Variants in CTNNBL1 observed in about 807,000 individuals in gnomAD.
CTNNBL1 encodes beta-catenin-like protein 1.
In CTNNBL1, 31 loss-of-function variants were observed where a neutral mutation model predicts 72.7. The ratio of observed to expected loss-of-function variants is 0.43; its 90% confidence interval spans 0.32 to 0.58. The LOEUF (loss-of-function observed/expected upper bound fraction) is 0.58, where lower values mean the gene tolerates loss of function less well. Among genes scored for constraint, CTNNBL1 ranks in the 20% least tolerant of loss-of-function variants. The pLI is 0.08. For missense variants in CTNNBL1, 534 were observed against 725.1 expected (o/e 0.74, Z 3.03); for synonymous variants, 240 against 267.3 (o/e 0.90, Z 1.00).
chr20:37,768,276 A>C (rs1337589729), intron 7 of CTNNBL1, among the ~76,000 whole-genome samples: 1 of 152,220 alleles, frequency 6.6e-6, no homozygotes, highest in Non-Finnish European at 1.5e-5. Context: ...TTCATGTGAT[A>C]CAAAAGGTAT....
At chr20:37,753,423 T>G (rs2073337567) in intron 4 of CTNNBL1, among the ~76,000 whole-genome samples, 1 of 152,230 alleles carries the variant, frequency 6.6e-6, no homozygotes, top group African/African-American at 2.4e-5. Flanking sequence ...TTTCTAGGTT[T>G]CATGTGACAC....
chr20:37,799,103 A>G (rs1160415522), intron 10 of CTNNBL1, among the ~76,000 whole-genome samples: 1 of 152,088 alleles, frequency 6.6e-6, no homozygotes, highest in Non-Finnish European at 1.5e-5. Context: ...CCTTTTTCAT[A>G]CCATTGCTGT....
intron 11 of CTNNBL1, among the ~76,000 whole-genome samples, chr20:37,813,973 C>G (rs891929326): frequency 2.0e-5 from 3 of 152,144 alleles, no homozygotes; most frequent in Non-Finnish European, 4.4e-5. Flanking sequence ...TCTTTGTCCG[C>G]TAATAGGCTT....
chr20:37,727,271 T>G, intron 1 of CTNNBL1: 3 of 870,712 alleles, frequency 3.4e-6, no homozygotes, highest in Non-Finnish European at 4.1e-6. Flanking sequence ...CTTCAAAGCT[T>G]TCATGAAGAT....
At chr20:37,730,478 C>G (rs1459500125) in intron 1 of CTNNBL1, among the ~76,000 whole-genome samples, 1 of 152,182 alleles carries the variant, frequency 6.6e-6, no homozygotes, top group Non-Finnish European at 1.5e-5. Context: ...TGTCCATTTA[C>G]AGATGAGGAA....
At chr20:37,860,134 C>T (rs746097831) in intron 14 of CTNNBL1, 98 bp downstream of exon 14, 213 of 1,517,582 alleles carry the variant, frequency 1.4e-4, no homozygotes, top group Non-Finnish European at 1.9e-4. Flanking sequence ...GGGGGTCACG[C>T]TCTCCTTGAA....
intron 1 of CTNNBL1, among the ~76,000 whole-genome samples, chr20:37,732,467 T>C (rs1277013969): frequency 6.6e-6 from 1 of 152,236 alleles, no homozygotes; most frequent in Non-Finnish European, 1.5e-5. Context: ...CATCTTAAGA[T>C]AGCTTTGTTG....
chr20:37,697,681 G>A (rs895454568), intron 1 of CTNNBL1, among the ~76,000 whole-genome samples: 4 of 152,218 alleles, frequency 2.6e-5, no homozygotes, highest in African/African-American at 7.2e-5. Flanking sequence ...CTCACCTGAG[G>A]TTGTGGGCCA....
At chr20:37,722,637 G>A (rs1421639429) in intron 1 of CTNNBL1, among the ~76,000 whole-genome samples, 1 of 151,986 alleles carries the variant, frequency 6.6e-6, no homozygotes, top group Admixed American at 6.6e-5. Flanking sequence ...CTATCCCTTA[G>A]CTTACTAAAG....
chr20:37,731,434 C>T (rs2073127719), intron 1 of CTNNBL1, among the ~76,000 whole-genome samples: 1 of 152,090 alleles, frequency 6.6e-6, no homozygotes, highest in Admixed American at 6.5e-5. Flanking sequence ...GGGGTTTCTC[C>T]ATGTTGATCA....
intron 1 of CTNNBL1, among the ~76,000 whole-genome samples, chr20:37,708,908 G>C (rs2072912972): frequency 6.6e-6 from 1 of 152,142 alleles, no homozygotes; most frequent in Non-Finnish European, 1.5e-5. Context: ...GGACGCCGAG[G>C]TGGGCGAATT....
intron 11 of CTNNBL1, among the ~76,000 whole-genome samples, chr20:37,804,888 A>G (rs2071940409): frequency 1.3e-5 from 2 of 152,212 alleles, no homozygotes; most frequent in Non-Finnish European, 2.9e-5. Flanking sequence ...TGATAACATT[A>G]TGTTAGTGAG....
Position 37,777,640 on chromosome 20 carries a change from T to C in CTNNBL1, c.824-14T>C, listed in dbSNP as rs1164756560. On this transcript the variant is annotated splice_polypyrimidine_tract_variant and intron_variant, in intron 8 of 15. Transcript: ENST00000361383. ...GGTTCATTTTTTTTCTTCCTCTATT[T>C]TTTTCCCCTTTAGAAAACAGGGAAT... The C allele has an allele frequency of 6.2e-7, 1 of 1,613,160 alleles. No individual in the cohort carries two copies. Among genetic ancestry groups the C allele is most frequent in the South Asian group, 1.1e-5 (1 of 91,052 alleles).
At chr20:37,835,568 G>A (rs577900621) in intron 11 of CTNNBL1, among the ~76,000 whole-genome samples, 1 of 152,222 alleles carries the variant, frequency 6.6e-6, no homozygotes, top group Admixed American at 6.5e-5. Context: ...CAGCCATTTT[G>A]GAAGACAGTT....
At chr20:37,830,651 A>G (rs558825729) in intron 11 of CTNNBL1, among the ~76,000 whole-genome samples, 1 of 152,274 alleles carries the variant, frequency 6.6e-6, no homozygotes, top group South Asian at 2.1e-4. Context: ...CCATGGGGTT[A>G]TGTCCCAAAA....
intron 13 of CTNNBL1, among the ~76,000 whole-genome samples, chr20:37,843,805 C>T (rs1223362609): frequency 6.6e-6 from 1 of 152,164 alleles, no homozygotes; most frequent in Non-Finnish European, 1.5e-5. Context: ...TGTGATTTCC[C>T]TATGATCCCT....
At chr20:37,803,604 G>A (rs1302429024) in intron 11 of CTNNBL1, among the ~76,000 whole-genome samples, 1 of 152,224 alleles carries the variant, frequency 6.6e-6, no homozygotes, top group Non-Finnish European at 1.5e-5. Flanking sequence ...TTGTCTAGTG[G>A]CCTGCTGCAG....
chr20:37,745,181 C>A (rs1179755038), intron 3 of CTNNBL1, among the ~76,000 whole-genome samples: 1 of 152,064 alleles, frequency 6.6e-6, no homozygotes, highest in African/African-American at 2.4e-5. Flanking sequence ...AAAATATGGG[C>A]ATGTTTTAAA....
intron 1 of CTNNBL1, among the ~76,000 whole-genome samples, chr20:37,711,197 G>T (rs1253454715): frequency 6.6e-6 from 1 of 152,148 alleles, no homozygotes; most frequent in Non-Finnish European, 1.5e-5. Context: ...TTCCAGTTCT[G>T]CAACTCTGAC....
Sources: allele counts gnomAD v4.1 joint callset (sites outside exome capture counted in the v4.1 genomes callset), GRCh38; gene constraint gnomAD v4.1.1; transcripts MANE v1.5; gene names NCBI Gene and HGNC (gene_info 2026-07-23, HGNC 2026-07-21).